LRRC7: variants seen among roughly 807,000 people sequenced by gnomAD.
LRRC7 encodes the protein leucine-rich repeat-containing protein 7.
A neutral mutation model predicts 175.7 loss-of-function variants in LRRC7; 23 were observed. The observed-to-expected ratio is 0.13, with a 90% CI of 0.09 to 0.19. LRRC7 has a LOEUF of 0.19. Among genes scored for constraint, LRRC7 ranks in the 10% least tolerant of loss-of-function variants. The pLI, the probability that LRRC7 is intolerant of heterozygous loss-of-function variation, is 1.00. For missense variants in LRRC7, 1,354 were observed against 1,904.7 expected, an observed-to-expected ratio of 0.71 and a Z score of 5.38; for synonymous variants, 685 against 680.9, an observed-to-expected ratio of 1.01 and a Z score of -0.09.
At chr1:69,641,669 G>A (rs1654231039) in intron 1 of LRRC7, among the ~76,000 whole-genome samples, 1 of 151,484 alleles carries the variant, frequency 6.6e-6, no homozygotes. Context: ...TCGGGCAAAA[G>A]AGAACTAGAA....
At chr1:69,827,563 A>C (rs547987471) in intron 5 of LRRC7, among the ~76,000 whole-genome samples, 5 of 152,134 alleles carry the variant, frequency 3.3e-5, no homozygotes, top group Admixed American at 6.6e-5. Context: ...AATAAAATTT[A>C]CTCTGGCCAG....
At chr1:70,057,500 G>A (rs932583562) in intron 23 of LRRC7, among the ~76,000 whole-genome samples, 2 of 152,150 alleles carry the variant, frequency 1.3e-5, no homozygotes, top group Admixed American at 6.5e-5. Context: ...GATAGAAAGT[G>A]AACTATAAAT....
chr1:70,077,682 A>T (rs585605), intron 24 of LRRC7, among the ~76,000 whole-genome samples: 151,647 of 152,320 alleles, frequency 1, 75,490 homozygotes, highest in East Asian at 1. Flanking sequence ...CTGAACACCC[A>T]AAATTTAAAG....
intron 25 of LRRC7, among the ~76,000 whole-genome samples, chr1:70,099,752 A>AT (rs1436862621): frequency 6.6e-6 from 1 of 152,068 alleles, no homozygotes; most frequent in African/African-American, 2.4e-5. Context: ...GTTTTTAATC[A>AT]TTTTTACTAT....
intron 1 of LRRC7, among the ~76,000 whole-genome samples, chr1:69,665,639 A>G (rs1658151803): frequency 6.6e-6 from 1 of 151,950 alleles, no homozygotes; most frequent in African/African-American, 2.4e-5. Flanking sequence ...CTGTTGGCAT[A>G]TAGAGGATAC....
chr1:69,909,493 T>A (rs2101695971), intron 7 of LRRC7, among the ~76,000 whole-genome samples: 1 of 152,296 alleles, frequency 6.6e-6, no homozygotes, highest in South Asian at 2.1e-4. Flanking sequence ...CAGCATTTGC[T>A]TGTCTGTAAA....
intron 25 of LRRC7, among the ~76,000 whole-genome samples, chr1:70,101,337 A>C (rs747070621): frequency 6.6e-6 from 1 of 152,176 alleles, no homozygotes; most frequent in Non-Finnish European, 1.5e-5. Flanking sequence ...TCTAGAAACC[A>C]ATTTCTCAGC....
chr1:70,066,536 T>C (rs1329255211), intron 23 of LRRC7, among the ~76,000 whole-genome samples: 1 of 152,036 alleles, frequency 6.6e-6, no homozygotes, highest in Admixed American at 6.6e-5. Flanking sequence ...TGGAGATTCA[T>C]TCAGGTGTTG....
chr1:70,079,140 A>C (rs1663030435), intron 24 of LRRC7, among the ~76,000 whole-genome samples: 1 of 152,208 alleles, frequency 6.6e-6, no homozygotes, highest in Non-Finnish European at 1.5e-5. Context: ...GAAGACTTTT[A>C]TTCCAAATTT....
chr1:69,602,549 T>G lies in LRRC7; in HGVS notation c.2+33908T>G, dbSNP rs549568018. 3.3e-5 allele frequency among the ~76,000 whole-genome samples: 5 copies of G among 149,832 alleles called. No individual in the cohort carries two copies. In the East Asian group the frequency reaches 7.7e-4, roughly 23 times the overall value. Reference sequence around the variant, plus strand: ...TTACTAATGTCAAATCTTTGTTCTATGCTATCATGGTATTTAGTTTTCTAG... The same window carrying G: ...TTACTAATGTCAAATCTTTGTTCTAGGCTATCATGGTATTTAGTTTTCTAG... On this transcript the variant is annotated intron_variant, in intron 1 of 26. Coordinates refer to ENST00000651989, the MANE Select transcript of LRRC7 (RefSeq NM_001370785.2).
intron 3 of LRRC7, among the ~76,000 whole-genome samples, chr1:69,788,957 G>A (rs906063661): frequency 6.6e-6 from 1 of 152,162 alleles, no homozygotes; most frequent in Non-Finnish European, 1.5e-5. Context: ...CCCGCACTTA[G>A]CATAGTGTCT....
intron 11 of LRRC7, among the ~76,000 whole-genome samples, chr1:69,997,462 C>G (rs1282106404): frequency 3.3e-5 from 5 of 151,458 alleles, no homozygotes; most frequent in Non-Finnish European, 7.4e-5. Context: ...TGAGAGAGGG[C>G]ATCCCTGTCT....
At chr1:69,922,808 T>A (rs1265292697) in intron 7 of LRRC7, among the ~76,000 whole-genome samples, 6 of 152,006 alleles carry the variant, frequency 3.9e-5, no homozygotes, top group Non-Finnish European at 7.4e-5. Context: ...TTTTTTAATT[T>A]TTTTATTTTA....
intron 3 of LRRC7, among the ~76,000 whole-genome samples, chr1:69,778,231 T>C (rs1469024632): frequency 2.6e-5 from 4 of 152,296 alleles, no homozygotes; most frequent in Middle Eastern, 3.4e-3. Flanking sequence ...TACAATTCCA[T>C]AGTTGTACTT....
At chr1:69,745,291 C>T (rs1669136121) in intron 2 of LRRC7, among the ~76,000 whole-genome samples, 1 of 151,930 alleles carries the variant, frequency 6.6e-6, no homozygotes, top group South Asian at 2.1e-4. Context: ...AAACACTTTA[C>T]ACTTTGCTTC....
chr1:69,800,209 T>C (rs1002952632), intron 4 of LRRC7, among the ~76,000 whole-genome samples: 1 of 151,998 alleles, frequency 6.6e-6, no homozygotes, highest in Non-Finnish European at 1.5e-5. Flanking sequence ...TGCTCAGAAA[T>C]GTTTTGACTA....
chr1:69,589,643 T>C (rs1646551380), intron 1 of LRRC7, among the ~76,000 whole-genome samples: 1 of 152,126 alleles, frequency 6.6e-6, no homozygotes, highest in Non-Finnish European at 1.5e-5. Flanking sequence ...ACTATTAATA[T>C]TTGGATGTTT....
chr1:69,759,081 ATTAGTGGTGTGGGAAC>A (rs1670750707), intron 2 of LRRC7, among the ~76,000 whole-genome samples: 1 of 151,968 alleles, frequency 6.6e-6, no homozygotes, highest in African/African-American at 2.4e-5. Context: ...AAACAATATG[ATTAGTGGTGTGGGAAC>A]TCAGAGAAAG....
intron 23 of LRRC7, among the ~76,000 whole-genome samples, chr1:70,055,747 A>G (rs891110851): frequency 1.3e-5 from 2 of 152,190 alleles, no homozygotes; most frequent in African/African-American, 4.8e-5. Context: ...TCACAAGAAC[A>G]GCAAGAGGAA....
Sources: gnomAD v4.1 joint callset for allele counts (sites outside exome capture counted in the v4.1 genomes callset) on GRCh38, gnomAD v4.1.1 for gene constraint, MANE v1.5 for transcripts, NCBI Gene and HGNC (gene_info 2026-07-23, HGNC 2026-07-21) for gene names.